The following LPP variants were observed in gnomAD, a reference collection of about 807,000 sequenced individuals.
The protein encoded by LPP is LIM domain containing preferred translocation partner in lipoma.
Under a neutral mutation model 60.4 loss-of-function variants are expected in LPP, and 38 were observed. The ratio of observed to expected loss-of-function variants is 0.63; its 90% CI spans 0.49 to 0.83. The LOEUF is 0.83. Among genes scored for constraint, LPP ranks in the 40% least tolerant of loss-of-function variants. LPP has a pLI of 0.00. For missense variants in LPP, 902 were observed against 783.6 expected (o/e 1.15, Z -1.80); for synonymous variants, 328 against 290.8 (o/e 1.13, Z -1.30).
chr3:188,760,227 G>A lies in LPP; in HGVS notation c.1355G>A (p.Arg452Gln), dbSNP rs746598184. ...FTCIICNNKL[R>Q]GQPFYAVEKK... Reference sequence around the variant, plus strand: ...TGCATCATCTGCAACAACAAGCTCCGAGGGCAGCCATTCTATGCTGTGGAA... The same window carrying A: ...TGCATCATCTGCAACAACAAGCTCCAAGGGCAGCCATTCTATGCTGTGGAA... Residue 452 changes from arginine (R) to glutamine (Q), a missense_variant, in exon 9 of 12, where the codon CGA becomes CAA. Arg to Gln is a conservative substitution (Grantham distance 43). Coordinates refer to ENST00000617246, the MANE Select transcript of LPP (RefSeq NM_001375462.1). The A allele has an allele frequency of 7.4e-6, 12 of 1,613,970 alleles. No individual in the cohort carries two copies. Among genetic ancestry groups the A allele is most frequent in the Admixed American group, 5.0e-5 (3 of 59,978 alleles).
intron 9 of LPP, among the ~76,000 whole-genome samples, chr3:188,844,081 T>G (rs999130681): frequency 1.3e-5 from 2 of 152,208 alleles, no homozygotes; most frequent in African/African-American, 2.4e-5. Context: ...TGATTATGGA[T>G]GGCATACTTT....
chr3:188,329,765 A>G (rs1196182540), intron 2 of LPP, among the ~76,000 whole-genome samples: 4 of 152,202 alleles, frequency 2.6e-5, no homozygotes, highest in Admixed American at 6.5e-5. Context: ...TTGCCAAGAC[A>G]CAGGGGAAGC....
Position 188,158,520 on chromosome 3 carries a change from A to G in LPP, c.-190+4268A>G, listed in dbSNP as rs1717217772. Reference sequence around the variant, plus strand: ...GATTGGTAGGTGGATAGGTAGCTGTAGGTAGTGTAGGGATTAATGTTTGGA... The same window carrying G: ...GATTGGTAGGTGGATAGGTAGCTGTGGGTAGTGTAGGGATTAATGTTTGGA... On this transcript the variant is annotated intron_variant, in intron 1 of 11. Coordinates refer to ENST00000617246, the MANE Select transcript of LPP (RefSeq NM_001375462.1). Among the ~76,000 whole-genome samples, 3 of 152,238 alleles carry G rather than the reference A, an allele frequency of 2.0e-5. No homozygotes were observed. In the South Asian group the frequency reaches 6.2e-4, roughly 32 times the overall value.
At chr3:188,554,484 G>T (rs1175903526) in intron 6 of LPP, among the ~76,000 whole-genome samples, 1 of 152,130 alleles carries the variant, frequency 6.6e-6, no homozygotes, top group Non-Finnish European at 1.5e-5. Flanking sequence ...TTATTTAGAT[G>T]GAATAGGAGA....
chr3:188,762,615 A>T (rs570566692), intron 9 of LPP, among the ~76,000 whole-genome samples: 1 of 152,294 alleles, frequency 6.6e-6, no homozygotes. Context: ...TTCCAGGCAT[A>T]GTATGGGTCT....
chr3:188,410,220 A>G (rs113718927), intron 4 of LPP, among the ~76,000 whole-genome samples: 186 of 152,342 alleles, frequency 1.2e-3, no homozygotes, highest in Non-Finnish European at 2.3e-3. Flanking sequence ...ATATAAACCT[A>G]CTTCTCCAGA....
At chr3:188,203,480 T>G (rs1163859237) in intron 1 of LPP, among the ~76,000 whole-genome samples, 1 of 85,414 alleles carries the variant, frequency 1.2e-5, no homozygotes, top group Non-Finnish European at 2.1e-5. Flanking sequence ...TTTAAATATA[T>G]ATATATTTTT....
chr3:188,437,146 T>C (rs1306816416), intron 4 of LPP, among the ~76,000 whole-genome samples: 1 of 152,294 alleles, frequency 6.6e-6, no homozygotes, highest in African/African-American at 2.4e-5. Flanking sequence ...GATGATGATC[T>C]TTTATGTGAG....
chr3:188,357,870 TCC>T (rs1443613644), intron 3 of LPP, among the ~76,000 whole-genome samples: 1 of 152,248 alleles, frequency 6.6e-6, no homozygotes, highest in East Asian at 1.9e-4. Flanking sequence ...CTCCTTTTAC[TCC>T]TTGCTAGAGT....
chr3:188,560,335 T>C (rs1250132552), intron 6 of LPP, among the ~76,000 whole-genome samples: 1 of 152,098 alleles, frequency 6.6e-6, no homozygotes, highest in African/African-American at 2.4e-5. Context: ...CAGTCATCAC[T>C]TGGGATTCTA....
chr3:188,381,139 A>G (rs1776769015), intron 3 of LPP, among the ~76,000 whole-genome samples: 1 of 152,216 alleles, frequency 6.6e-6, no homozygotes, highest in Non-Finnish European at 1.5e-5. Flanking sequence ...AAACATGTCT[A>G]AGATGGTCCT....
At chr3:188,224,763 A>G (rs931060826) in intron 1 of LPP, among the ~76,000 whole-genome samples, 1 of 152,166 alleles carries the variant, frequency 6.6e-6, no homozygotes, top group Non-Finnish European at 1.5e-5. Flanking sequence ...ACCAGATATC[A>G]TGAGAACACA....
rs1770745568 is a variant in LPP at position 188,886,895 on chromosome 3, A to C, written c.*12416A>C. The C allele has an allele frequency of 4.3e-6, 1 of 230,036 alleles. No individual in the cohort carries two copies. The highest frequency in any genetic ancestry group is 8.6e-6 in the Non-Finnish European group (1 of 116,162). 14.2% of individuals were successfully genotyped at this position (230,036 alleles called of 1,614,324 possible). On this transcript the variant is annotated 3_prime_UTR_variant, in exon 12 of 12. Coordinates refer to ENST00000617246, the MANE Select transcript of LPP (RefSeq NM_001375462.1). ...CAGCTAAAAAGGAGAAGAAAAAGCTAGTTAAATTTTGTGTGGATCCATTTA... is the reference window on the plus strand; with the variant it reads ...CAGCTAAAAAGGAGAAGAAAAAGCTCGTTAAATTTTGTGTGGATCCATTTA...
At chr3:188,240,535 T>A (rs1724003956) in intron 2 of LPP, among the ~76,000 whole-genome samples, 1 of 152,328 alleles carries the variant, frequency 6.6e-6, no homozygotes, top group East Asian at 1.9e-4. Flanking sequence ...GGAAGGAAAC[T>A]GATGTGCCTA....
In LPP at chr3:188,667,349, G is replaced by GC. The variant is rs770248364; in HGVS notation, c.1114-40917dup. 5.9e-5 allele frequency among the ~76,000 whole-genome samples: 9 copies of GC among 151,904 alleles called. 1 individual carries two copies. Among genetic ancestry groups the GC allele is most frequent in the Admixed American group, 2.0e-4 (3 of 15,260 alleles). On this transcript the variant is annotated intron_variant, in intron 7 of 11. Transcript: ENST00000617246. ...AAAAATTAGCCGGGCGTGGTGGTGGGCGCCTGTAGTCCCAGCTACTTGGGA... is the reference window on the plus strand; with the variant it reads ...AAAAATTAGCCGGGCGTGGTGGTGGGCCGCCTGTAGTCCCAGCTACTTGGGA...
chr3:188,340,438 G>A (rs1049831203), intron 2 of LPP, among the ~76,000 whole-genome samples: 21 of 143,156 alleles, frequency 1.5e-4, no homozygotes, highest in Middle Eastern at 7.9e-3. Flanking sequence ...TTTAAGTTCA[G>A]GGGTATAGTT....
Position 188,530,547 on chromosome 3 carries a change from A to G in LPP, c.429+5760A>G, listed in dbSNP as rs116635805. On this transcript the variant is annotated intron_variant, in intron 6 of 11. Coordinates refer to ENST00000617246, the MANE Select transcript of LPP (RefSeq NM_001375462.1). The stretch of plus-strand genomic sequence containing the variant: ...TTCTACAGATGGAAAGCTTTTGCCC[A>G]GAGAGGGAAAGAACACACTCAAGGA... 3.9e-3 allele frequency among the ~76,000 whole-genome samples: 597 copies of G among 152,272 alleles called. 6 individuals are homozygous for G. The highest frequency in any genetic ancestry group is 0.014 in the African/African-American group (577 of 41,548).
intron 7 of LPP, among the ~76,000 whole-genome samples, chr3:188,697,718 A>G (rs1272935180): frequency 6.6e-6 from 1 of 152,196 alleles, no homozygotes; most frequent in Non-Finnish European, 1.5e-5. Context: ...AAAAACTCAA[A>G]TTAATCATAA....
intron 6 of LPP, among the ~76,000 whole-genome samples, chr3:188,531,948 A>G (rs1822288882): frequency 1.3e-5 from 2 of 152,144 alleles, no homozygotes; most frequent in Admixed American, 6.5e-5. Context: ...TGTGATTGAC[A>G]TATGAAGTGG....
Sources: allele counts gnomAD v4.1 joint callset (sites outside exome capture counted in the v4.1 genomes callset), GRCh38; gene constraint gnomAD v4.1.1; transcripts MANE v1.5; gene names NCBI Gene and HGNC (gene_info 2026-07-23, HGNC 2026-07-21).